Variants in SLC1A6 observed in about 807,000 individuals in gnomAD.
SLC1A6 encodes excitatory amino acid transporter 4.
A neutral mutation model predicts 42.1 loss-of-function variants in SLC1A6; 15 were observed. The observed-to-expected ratio is 0.36, with a 90% confidence interval of 0.24 to 0.55. The LOEUF (loss-of-function observed/expected upper bound fraction) is 0.55. Among genes scored for constraint, SLC1A6 ranks in the 20% least tolerant of loss-of-function variants. The pLI is 0.88. For synonymous variants in SLC1A6, 317 were observed against 319.7 expected (o/e 0.99, Z 0.09); for missense variants, 542 against 772.5 (o/e 0.70, Z 3.54).
chr19:14,974,712 A>G (rs1450985755), intron 1 of SLC1A6: 1 of 152,022 alleles, frequency 6.6e-6, no homozygotes, highest in Non-Finnish European at 1.5e-5. Context: ...AAAATACTAG[A>G]TGCTATTGAA....
chr19:14,972,335 T>C (rs80107309), intron 2 of SLC1A6, among the ~76,000 whole-genome samples: 5 of 152,176 alleles, frequency 3.3e-5, no homozygotes, highest in African/African-American at 1.2e-4. Flanking sequence ...CATGTAGAGA[T>C]GTGAATGTGT....
At position 14,962,201 on chromosome 19, in the gene SLC1A6, T is replaced by C; in HGVS notation, c.736A>G (p.Thr246Ala). Residue 246 changes from threonine (T) to alanine (A), a missense_variant, in exon 6 of 10, where the codon ACC becomes GCC. Coordinates refer to ENST00000594383, the MANE Select transcript of SLC1A6 (RefSeq NM_005071.3). ...TCAAAGCTCAGCATCTCCTGCAGGG[T>C]ACCCAAGGCCCGAGTGACATTTTCC... ...FLENVTRALG[T>A]LQEMLSFEET... is the part of the protein sequence containing the mutation. 1.2e-6 allele frequency: 2 copies of C among 1,614,106 alleles called. No individual in the cohort carries two copies. The highest frequency in any genetic ancestry group is 2.2e-5 in the South Asian group (2 of 91,078).
At chr19:14,959,854 T>C (rs2045493921) in intron 6 of SLC1A6, among the ~76,000 whole-genome samples, 1 of 152,220 alleles carries the variant, frequency 6.6e-6, no homozygotes, top group South Asian at 2.1e-4. Context: ...TCAGGAAGCA[T>C]TCACTGCGTA....
chr19:14,966,771 TAGAAAC>T (rs138740921), intron 4 of SLC1A6, among the ~76,000 whole-genome samples: 6,265 of 151,972 alleles, frequency 0.041, 266 homozygotes, highest in African/African-American at 0.099. Flanking sequence ...CAAACTGACA[TAGAAAC>T]AGAAAACTAA....
chr19:15,006,770 A>AAAG (rs1568303764), intron 1 of SLC1A6, among the ~76,000 whole-genome samples: 9 of 149,218 alleles, frequency 6.0e-5, no homozygotes, highest in South Asian at 4.2e-4. Flanking sequence ...CAAAAAAAAA[A>AAAG]AAAGAAAAAG....
At chr19:14,995,378 AAG>A (rs2045841169) in intron 1 of SLC1A6, among the ~76,000 whole-genome samples, 1 of 148,466 alleles carries the variant, frequency 6.7e-6, no homozygotes, top group African/African-American at 2.5e-5. Flanking sequence ...AAGGGAAGGG[AAG>A]GGAAGGGAAG....
At position 14,979,486 on chromosome 19, in the gene SLC1A6, G is replaced by A. The variant is rs2045749741; in HGVS notation, c.-185C>T. ...CGCGCCGCAGCCACACCGAGTCCCC[G>A]CGCCGAGCCGCGGAGTCCCCACTCA... On this transcript the variant is annotated 5_prime_UTR_variant, in exon 1 of 10. Transcript: ENST00000594383. This position sits in a 1 kb window ranked among gnomAD's most constrained non-coding sequence, Gnocchi z 4.2. 6.6e-6 allele frequency: 1 copy of A among 151,628 alleles called. No homozygotes were observed. The highest frequency in any genetic ancestry group is 2.1e-4 in the South Asian group (1 of 4,820). 9.4% of individuals were successfully genotyped at this position (151,628 alleles called of 1,614,324 possible).
chr19:15,004,560 T>C (rs2045887340), intron 1 of SLC1A6, among the ~76,000 whole-genome samples: 1 of 129,160 alleles, frequency 7.7e-6, no homozygotes, highest in Admixed American at 7.5e-5. Context: ...AAAAGTCAAT[T>C]GTGATGGCAT....
intron 1 of SLC1A6, among the ~76,000 whole-genome samples, chr19:14,998,777 C>T (rs1362329832): frequency 1.3e-5 from 2 of 152,016 alleles, no homozygotes; most frequent in African/African-American, 2.4e-5. Context: ...TTGGAGCATC[C>T]CTTCTCCTTT....
intron 1 of SLC1A6, among the ~76,000 whole-genome samples, chr19:15,006,775 AAAAAG>A (rs1280825250): frequency 1.4e-5 from 2 of 142,640 alleles, no homozygotes; most frequent in Admixed American, 7.0e-5. Flanking sequence ...AAAAAAAAAG[AAAAAG>A]AAAAGAAAAG....
At chr19:14,985,281 G>A (rs1473126486) in intron 1 of SLC1A6, among the ~76,000 whole-genome samples, 1 of 152,126 alleles carries the variant, frequency 6.6e-6, no homozygotes. Context: ...ATGTGGTTTG[G>A]ATGTTCTGTC....
chr19:14,957,559 G>T (rs1173448584), intron 6 of SLC1A6, among the ~76,000 whole-genome samples: 3 of 152,186 alleles, frequency 2.0e-5, no homozygotes, highest in Non-Finnish European at 4.4e-5. Context: ...ACCAGACATG[G>T]AATCTGTGGG....
chr19:14,991,885 G>A (rs1441830731), intron 1 of SLC1A6, among the ~76,000 whole-genome samples: 3 of 151,676 alleles, frequency 2.0e-5, no homozygotes, highest in African/African-American at 7.3e-5. Context: ...TCACGCAGTG[G>A]CGTGATCTTG....
intron 6 of SLC1A6, among the ~76,000 whole-genome samples, chr19:14,960,487 A>G (rs2045499631): frequency 6.6e-6 from 1 of 152,174 alleles, no homozygotes; most frequent in Admixed American, 6.5e-5. Context: ...ATGAGAATGA[A>G]TAAGTGAATA....
At chr19:15,009,341 CATAT>C in intron 1 of SLC1A6, among the ~76,000 whole-genome samples, 1 of 138,270 alleles carries the variant, frequency 7.2e-6, no homozygotes. Flanking sequence ...CTACATGGCA[CATAT>C]ATATAGCATA....
chr19:14,977,180 C>G (rs1207375450), intron 1 of SLC1A6: 2 of 152,010 alleles, frequency 1.3e-5, no homozygotes, highest in Non-Finnish European at 2.9e-5. Context: ...AAGATCTGAA[C>G]AGTCAGGAAA....
chr19:14,983,276 C>CTAA (rs1309608980), upstream of SLC1A6, among the ~76,000 whole-genome samples: 1 of 152,154 alleles, frequency 6.6e-6, no homozygotes, highest in Non-Finnish European at 1.5e-5. Flanking sequence ...CCATACTTTT[C>CTAA]TAACTTTCAT....
intron 1 of SLC1A6, among the ~76,000 whole-genome samples, chr19:14,994,746 T>C (rs996402624): frequency 4.6e-5 from 7 of 152,210 alleles, no homozygotes; most frequent in Non-Finnish European, 7.3e-5. Flanking sequence ...TGCCTTTCTA[T>C]TGCTTAAAAA....
chr19:14,958,518 G>A (rs1320389689), intron 6 of SLC1A6, among the ~76,000 whole-genome samples: 1 of 152,134 alleles, frequency 6.6e-6, no homozygotes, highest in Non-Finnish European at 1.5e-5. Context: ...AGTCAAAAAT[G>A]AGGATGCACG....
Sources: allele counts gnomAD v4.1 joint callset (sites outside exome capture counted in the v4.1 genomes callset), GRCh38; gene constraint gnomAD v4.1.1; non-coding constraint Gnocchi (gnomAD v3.1); transcripts MANE v1.5; gene names NCBI Gene and HGNC (gene_info 2026-07-23, HGNC 2026-07-21).